Variants in CLIC5 observed in about 807,000 individuals in gnomAD.
CLIC5 encodes chloride intracellular channel protein 5.
In CLIC5, 20 loss-of-function variants were observed where a neutral mutation model predicts 24.7. That is an observed-to-expected ratio of 0.81 (90% CI 0.57 to 1.18). CLIC5 has a LOEUF of 1.18. Among genes scored for constraint, CLIC5 ranks in the 50% most tolerant of loss-of-function variants. CLIC5 has a pLI of 0.00. For synonymous variants in CLIC5, 159 were observed against 135.6 expected, an observed-to-expected ratio of 1.17 and a Z score of -1.20; for missense variants, 341 against 326.1, an observed-to-expected ratio of 1.05 and a Z score of -0.35.
chr6:46,067,770 A>G (rs1762482864), intron 1 of CLIC5, among the ~76,000 whole-genome samples: 1 of 152,186 alleles, frequency 6.6e-6, no homozygotes, highest in Non-Finnish European at 1.5e-5. Flanking sequence ...AGATACAAAC[A>G]GTCCACTAAA....
chr6:46,086,344 G>C, the CLIC5 span, among the ~76,000 whole-genome samples: 1 of 152,244 alleles, frequency 6.6e-6, no homozygotes, highest in Non-Finnish European at 1.5e-5. Context: ...CGTCACTCAC[G>C]CTGGGAGCTG....
At chr6:45,906,864 A>G (rs1243155618) in intron 5 of CLIC5, among the ~76,000 whole-genome samples, 3 of 152,154 alleles carry the variant, frequency 2.0e-5, no homozygotes, top group African/African-American at 4.8e-5. Context: ...GCCCGGCCAC[A>G]TTGACTTTTT....
intron 1 of CLIC5, among the ~76,000 whole-genome samples, chr6:46,032,018 ATAG>A (rs1256431213): frequency 1.3e-5 from 2 of 151,868 alleles, no homozygotes; most frequent in Non-Finnish European, 2.9e-5. Context: ...TAAATTGTAA[ATAG>A]TGGTGTATTA....
At chr6:45,982,666 G>A (rs543370866) in intron 1 of CLIC5, among the ~76,000 whole-genome samples, 2 of 152,272 alleles carry the variant, frequency 1.3e-5, no homozygotes, top group African/African-American at 4.8e-5. Context: ...TGGGACCACC[G>A]TCTTCTACGG....
intron 1 of CLIC5, among the ~76,000 whole-genome samples, chr6:45,974,815 C>A (rs1156328900): frequency 6.6e-6 from 1 of 152,098 alleles, no homozygotes; most frequent in African/African-American, 2.4e-5. Context: ...CCACCCCCTG[C>A]AGGCTCTGGG....
chr6:46,106,124 G>C, the CLIC5 span, among the ~76,000 whole-genome samples: 1 of 152,110 alleles, frequency 6.6e-6, no homozygotes, highest in Non-Finnish European at 1.5e-5. Context: ...TGGAAAAGTG[G>C]AACAGAGTTT....
chr6:46,053,286 A>G (rs561076526), intron 1 of CLIC5, among the ~76,000 whole-genome samples: 35 of 152,360 alleles, frequency 2.3e-4, no homozygotes, highest in Non-Finnish European at 4.0e-4. Flanking sequence ...CTGGTAGGGC[A>G]GATGGACAAC....
At chr6:46,085,895 A>T in the CLIC5 span, among the ~76,000 whole-genome samples, 2 of 152,222 alleles carry the variant, frequency 1.3e-5, no homozygotes, top group Non-Finnish European at 2.9e-5. Flanking sequence ...GGTGGGCTCC[A>T]CCCAGTTCAA....
intron 5 of CLIC5, chr6:45,912,429 G>A (rs1762854339): frequency 8.6e-7 from 1 of 1,162,432 alleles, no homozygotes; most frequent in Non-Finnish European, 1.1e-6. Flanking sequence ...CAAGGCTTGG[G>A]AGATTCATTT....
chr6:45,929,557 G>A (rs1305558138), intron 4 of CLIC5, among the ~76,000 whole-genome samples: 1 of 152,220 alleles, frequency 6.6e-6, no homozygotes, highest in Admixed American at 6.5e-5. Context: ...CAGCCTGAAG[G>A]GTCCCTTTGT....
At chr6:45,929,545 G>A (rs1021862406) in intron 4 of CLIC5, among the ~76,000 whole-genome samples, 1 of 152,252 alleles carries the variant, frequency 6.6e-6, no homozygotes, top group Non-Finnish European at 1.5e-5. Flanking sequence ...TGCCAAGGAA[G>A]GCAGCCTGAA....
chr6:45,949,502 G>T (rs957057798), intron 2 of CLIC5, 121 bp from the exon 3 acceptor site: 1 of 1,124,838 alleles, frequency 8.9e-7, no homozygotes. Flanking sequence ...AGGTGAAACA[G>T]ATTTATGGTA....
chr6:46,117,479 C>A, the CLIC5 span, among the ~76,000 whole-genome samples: 2 of 152,158 alleles, frequency 1.3e-5, no homozygotes, highest in African/African-American at 4.8e-5. Flanking sequence ...GGACTCAACC[C>A]AATTAAAATG....
intron 4 of CLIC5, among the ~76,000 whole-genome samples, chr6:45,938,515 G>C (rs1237911447): frequency 6.6e-6 from 1 of 152,198 alleles, no homozygotes; most frequent in Non-Finnish European, 1.5e-5. Flanking sequence ...CAGGCTCTTT[G>C]GGAAAGCAGC....
At chr6:45,993,673 C>A (rs1018336834) in intron 1 of CLIC5, among the ~76,000 whole-genome samples, 1 of 152,202 alleles carries the variant, frequency 6.6e-6, no homozygotes, top group East Asian at 1.9e-4. Flanking sequence ...TTTCACATAA[C>A]AGAGGTACTG....
intron 1 of CLIC5, among the ~76,000 whole-genome samples, chr6:45,997,809 T>G (rs1344661190): frequency 6.6e-6 from 1 of 152,072 alleles, no homozygotes; most frequent in Non-Finnish European, 1.5e-5. Context: ...ACACACACAA[T>G]GAAAGTGGCT....
upstream of CLIC5, among the ~76,000 whole-genome samples, chr6:46,017,909 G>A (rs1767066187): frequency 6.6e-6 from 1 of 152,182 alleles, no homozygotes; most frequent in Non-Finnish European, 1.5e-5. Flanking sequence ...CCTGAAGAAA[G>A]CAGTCACCAA....
intron 1 of CLIC5, among the ~76,000 whole-genome samples, chr6:45,998,358 G>A (rs1391926991): frequency 6.6e-6 from 1 of 152,166 alleles, no homozygotes; most frequent in African/African-American, 2.4e-5. Context: ...GCAGGAGCCA[G>A]GAGTCTAAGC....
chr6:45,991,716 T>G (rs1765948550), intron 1 of CLIC5, among the ~76,000 whole-genome samples: 1 of 152,136 alleles, frequency 6.6e-6, no homozygotes. Flanking sequence ...AATGTAGGGA[T>G]GAGGGAAGGA....
Sources: allele counts gnomAD v4.1 joint callset (sites outside exome capture counted in the v4.1 genomes callset), GRCh38; gene constraint gnomAD v4.1.1; transcripts MANE v1.5; gene names NCBI Gene and HGNC (gene_info 2026-07-23, HGNC 2026-07-21).